The following CTNNA2 variants were observed in gnomAD, a reference collection of about 807,000 sequenced individuals.
The protein encoded by CTNNA2 is catenin alpha-2.
Under a neutral mutation model 101.0 loss-of-function variants are expected in CTNNA2, and 42 were observed. That is an observed-to-expected ratio of 0.42 (90% CI 0.32 to 0.54). CTNNA2 has a LOEUF of 0.54. CTNNA2 is among the 20% of genes least tolerant of loss of function. CTNNA2 has a pLI of 0.14. For missense variants in CTNNA2, 871 were observed against 1,223.1 expected, an observed-to-expected ratio of 0.71 and a Z score of 4.29; for synonymous variants, 450 against 456.4, an observed-to-expected ratio of 0.99 and a Z score of 0.18.
intron 4 of CTNNA2, among the ~76,000 whole-genome samples, chr2:79,463,216 A>T (rs1179754563): frequency 6.6e-6 from 1 of 152,244 alleles, no homozygotes; most frequent in South Asian, 2.1e-4. Context: ...GATTGAAACC[A>T]GCTTGGCCAA....
intron 7 of CTNNA2, among the ~76,000 whole-genome samples, chr2:80,099,968 C>T (rs923540402): frequency 2.6e-5 from 4 of 152,048 alleles, no homozygotes; most frequent in African/African-American, 9.7e-5. Flanking sequence ...CTTGCTCTGT[C>T]GCCCAGGCTG....
intron 2 of CTNNA2, among the ~76,000 whole-genome samples, chr2:79,250,883 G>A (rs1674762476): frequency 6.6e-6 from 1 of 152,052 alleles, no homozygotes; most frequent in Admixed American, 6.6e-5. Context: ...TTGAATTTTT[G>A]GCTTCAGGTC....
At chr2:79,738,708 G>A (rs1056260942) in intron 2 of CTNNA2, among the ~76,000 whole-genome samples, 18 of 152,190 alleles carry the variant, frequency 1.2e-4, no homozygotes, top group Non-Finnish European at 5.9e-5. Flanking sequence ...AGATAAAAAT[G>A]ATTTGATTTT....
intron 7 of CTNNA2, among the ~76,000 whole-genome samples, chr2:80,352,270 A>G (rs975410527): frequency 1.3e-5 from 2 of 152,196 alleles, no homozygotes; most frequent in African/African-American, 4.8e-5. Context: ...CAATAAAAAA[A>G]AGTGCTTCTA....
chr2:79,723,392 T>C (rs1243736909), intron 2 of CTNNA2, among the ~76,000 whole-genome samples: 2 of 152,222 alleles, frequency 1.3e-5, no homozygotes, highest in Non-Finnish European at 2.9e-5. Flanking sequence ...AGTGTAGCTA[T>C]TGGGAGTTAA....
At chr2:79,324,636 A>T (rs1022180082) in intron 3 of CTNNA2, among the ~76,000 whole-genome samples, 5 of 152,110 alleles carry the variant, frequency 3.3e-5, no homozygotes, top group Admixed American at 6.5e-5. Context: ...TTCCCAGGAA[A>T]CTGAGCATTT....
chr2:79,189,254 T>C (rs940575374), intron 1 of CTNNA2, among the ~76,000 whole-genome samples: 7 of 152,248 alleles, frequency 4.6e-5, no homozygotes, highest in Non-Finnish European at 8.8e-5. Flanking sequence ...CTTTCATTTC[T>C]GATATTGATA....
intron 7 of CTNNA2, among the ~76,000 whole-genome samples, chr2:80,386,029 G>A (rs1403010101): frequency 6.6e-6 from 1 of 151,602 alleles, no homozygotes; most frequent in African/African-American, 2.4e-5. Context: ...ATCTCTCTGA[G>A]CCAGTCCTGC....
intron 18 of CTNNA2, among the ~76,000 whole-genome samples, chr2:80,637,708 A>C (rs1673028380): frequency 6.6e-6 from 1 of 152,090 alleles, no homozygotes; most frequent in African/African-American, 2.4e-5. Context: ...CATATGAATA[A>C]TGCCACATTA....
intron 3 of CTNNA2, among the ~76,000 whole-genome samples, chr2:79,338,592 C>CTTCTTCTTCTTT (rs1677056531): frequency 7.1e-6 from 1 of 141,100 alleles, no homozygotes; most frequent in East Asian, 2.0e-4. Context: ...TCTTCTTCTT[C>CTTCTTCTTCTTT]TTCTTCTTCT....
chr2:79,689,324 A>G (rs988548586), intron 2 of CTNNA2, among the ~76,000 whole-genome samples: 4 of 151,954 alleles, frequency 2.6e-5, no homozygotes, highest in Non-Finnish European at 4.4e-5. Flanking sequence ...AAGGCAGATT[A>G]TCGTTGGAAA....
At chr2:79,692,376 G>A (rs1316301730) in intron 2 of CTNNA2, among the ~76,000 whole-genome samples, 2 of 152,166 alleles carry the variant, frequency 1.3e-5, no homozygotes, top group Admixed American at 6.5e-5. Context: ...AACAACAGAT[G>A]CTGGAGAGGA....
chr2:79,981,652 A>G (rs1225469976), intron 7 of CTNNA2, among the ~76,000 whole-genome samples: 1 of 152,160 alleles, frequency 6.6e-6, no homozygotes, highest in Non-Finnish European at 1.5e-5. Context: ...AGTCATTCTT[A>G]TGGACCCTAG....
chr2:80,231,048 T>A (rs1251075045), intron 7 of CTNNA2, among the ~76,000 whole-genome samples: 1 of 151,970 alleles, frequency 6.6e-6, no homozygotes, highest in African/African-American at 2.4e-5. Context: ...CTCGGCTCAC[T>A]GAAACCTCCA....
At chr2:79,443,594 A>G (rs1678799059) in intron 4 of CTNNA2, among the ~76,000 whole-genome samples, 1 of 152,174 alleles carries the variant, frequency 6.6e-6, no homozygotes, top group African/African-American at 2.4e-5. Flanking sequence ...GGAATTAACT[A>G]TCACAAGTAG....
chr2:80,637,368 A>T (rs539752307), intron 18 of CTNNA2, among the ~76,000 whole-genome samples: 21 of 151,780 alleles, frequency 1.4e-4, no homozygotes, highest in African/African-American at 2.6e-4. Flanking sequence ...AAGATCGTGT[A>T]GTTAGTGATC....
intron 7 of CTNNA2, among the ~76,000 whole-genome samples, chr2:80,106,933 A>G (rs1251936875): frequency 1.3e-5 from 2 of 152,098 alleles, no homozygotes; most frequent in East Asian, 1.9e-4. Flanking sequence ...CTCATTCCCT[A>G]TTTGAGCAGG....
intron 2 of CTNNA2, among the ~76,000 whole-genome samples, chr2:79,224,006 A>G (rs1027527961): frequency 5.3e-5 from 8 of 152,240 alleles, no homozygotes; most frequent in Non-Finnish European, 1.2e-4. Flanking sequence ...AGACTTTGAA[A>G]TCAGTAATAG....
intron 7 of CTNNA2, among the ~76,000 whole-genome samples, chr2:80,165,766 C>T (rs1319241): frequency 0.22 from 33,898 of 152,116 alleles, 5,412 homozygotes; most frequent in African/African-American, 0.44. Flanking sequence ...TCAAGCTCCT[C>T]ACATAGTCTC....
Sources: allele counts gnomAD v4.1 joint callset (sites outside exome capture counted in the v4.1 genomes callset), GRCh38; gene constraint gnomAD v4.1.1; transcripts MANE v1.5; gene names NCBI Gene and HGNC (gene_info 2026-07-23, HGNC 2026-07-21).